The following NDUFA10 variants were observed in gnomAD, a reference collection of about 807,000 sequenced individuals.
NDUFA10 encodes NADH:ubiquinone oxidoreductase subunit A10.
NDUFA10 carries 40 observed loss-of-function variants against 47.8 expected under a neutral mutation model. The observed-to-expected ratio is 0.84, with a 90% CI of 0.65 to 1.09. NDUFA10 has a LOEUF of 1.09. NDUFA10 is among the 50% of genes least tolerant of loss of function. NDUFA10 has a pLI of 0.00. For synonymous variants in NDUFA10, 183 were observed against 172.2 expected (o/e 1.06, Z -0.49); for missense variants, 413 against 451.1 (o/e 0.92, Z 0.76).
At chr2:239,986,945 A>G (rs1283853403) in intron 9 of NDUFA10, among the ~76,000 whole-genome samples, 1 of 137,330 alleles carries the variant, frequency 7.3e-6, no homozygotes, top group Non-Finnish European at 1.7e-5. Context: ...CCTCAAAACC[A>G]CATTGAGGGA....
intron 4 of NDUFA10, among the ~76,000 whole-genome samples, chr2:239,910,249 T>C (rs1445368322): frequency 2.0e-5 from 3 of 152,164 alleles, no homozygotes; most frequent in Non-Finnish European, 4.4e-5. Context: ...CATTCTATTA[T>C]AAAGACACAT....
chr2:239,956,218 G>A (rs928889382), downstream of NDUFA10, among the ~76,000 whole-genome samples: 1 of 152,124 alleles, frequency 6.6e-6, no homozygotes, highest in African/African-American at 2.4e-5. Context: ...ACACTTGGAG[G>A]TGGGGCCGGT....
At chr2:239,966,848 C>CT (rs71045922) in intron 9 of NDUFA10, among the ~76,000 whole-genome samples, 1,315 of 113,776 alleles carry the variant, frequency 0.012, 11 homozygotes, top group Non-Finnish European at 0.015. Flanking sequence ...GCAAGGATTT[C>CT]TTTTTTTTTT....
intron 6 of NDUFA10, among the ~76,000 whole-genome samples, chr2:240,010,237 T>C (rs1259956402): frequency 6.6e-6 from 1 of 152,174 alleles, no homozygotes; most frequent in African/African-American, 2.4e-5. Flanking sequence ...ACTTTAACAA[T>C]GAACAGAGAC....
chr2:239,970,275 C>T (rs1345827034), intron 9 of NDUFA10, among the ~76,000 whole-genome samples: 1 of 152,068 alleles, frequency 6.6e-6, no homozygotes, highest in Admixed American at 6.5e-5. Flanking sequence ...GAAAAAAAAA[C>T]TGTCAACCTA....
intron 4 of NDUFA10, among the ~76,000 whole-genome samples, chr2:239,917,122 G>A (rs1178876506): frequency 6.6e-6 from 1 of 152,172 alleles, no homozygotes; most frequent in Non-Finnish European, 1.5e-5. Context: ...GGCCAGGGAG[G>A]GGCTGACACT....
chr2:239,949,074 C>T (rs1694505297), intron 4 of NDUFA10, among the ~76,000 whole-genome samples: 1 of 152,212 alleles, frequency 6.6e-6, no homozygotes, highest in Non-Finnish European at 1.5e-5. Context: ...ATGCAATGGA[C>T]ACATGTCCCT....
chr2:239,932,515 T>C (rs578195618), intron 4 of NDUFA10, among the ~76,000 whole-genome samples: 23 of 152,370 alleles, frequency 1.5e-4, no homozygotes, highest in East Asian at 1.2e-3. Context: ...AATGAAGCTG[T>C]GAGCCCTTTT....
chr2:239,995,150 T>C (rs905031181), intron 8 of NDUFA10, among the ~76,000 whole-genome samples: 1 of 152,098 alleles, frequency 6.6e-6, no homozygotes, highest in African/African-American at 2.4e-5. Flanking sequence ...GGTGCACGCC[T>C]GTAGTATCAG....
chr2:239,943,525 T>C (rs1400713688), intron 4 of NDUFA10, among the ~76,000 whole-genome samples: 2 of 152,170 alleles, frequency 1.3e-5, no homozygotes, highest in Non-Finnish European at 2.9e-5. Context: ...TCAAAGTGTA[T>C]GGCCTTGTTT....
chr2:240,017,877 A>C, intron 4 of NDUFA10: 1 of 1,571,444 alleles, frequency 6.4e-7, no homozygotes, highest in South Asian at 1.2e-5. Flanking sequence ...CCCAGATTCC[A>C]GCTTTCCACT....
At chr2:239,978,024 G>A (rs540041031) in intron 9 of NDUFA10, among the ~76,000 whole-genome samples, 6 of 152,074 alleles carry the variant, frequency 3.9e-5, no homozygotes, top group African/African-American at 1.2e-4. Flanking sequence ...GCCTGGCCAC[G>A]CCTGCTTGGT....
intron 5 of NDUFA10, among the ~76,000 whole-genome samples, chr2:239,894,859 C>T (rs1693361455): frequency 6.6e-6 from 1 of 152,164 alleles, no homozygotes; most frequent in African/African-American, 2.4e-5. Context: ...AGCCCTCTTC[C>T]ATGATGAATA....
At chr2:239,899,445 G>A (rs1244439424) in intron 4 of NDUFA10, among the ~76,000 whole-genome samples, 6 of 146,874 alleles carry the variant, frequency 4.1e-5, no homozygotes, top group African/African-American at 1.5e-4. Context: ...GAATGTGGAG[G>A]GTTGTGATGG....
downstream of NDUFA10, among the ~76,000 whole-genome samples, chr2:239,956,822 T>C (rs1364041624): frequency 2.0e-5 from 3 of 152,196 alleles, no homozygotes. Flanking sequence ...CTCTCTACCC[T>C]ACCTGCTTGT....
chr2:239,960,374 TAAAG>T lies in NDUFA10; in HGVS notation c.*740_*743del, dbSNP rs1219954288. ...ACTGGCAACTTGATTTTCTGGGTAATAAAGAGAGTATATTATTTTGCTTTTGCAT... is the reference window on the plus strand; with the variant it reads ...ACTGGCAACTTGATTTTCTGGGTAATAGAGTATATTATTTTGCTTTTGCAT... On this transcript the variant is annotated 3_prime_UTR_variant, in exon 10 of 10. Coordinates refer to ENST00000252711, the MANE Select transcript of NDUFA10 (RefSeq NM_004544.4). The T allele has an allele frequency of 4.1e-6, 4 of 985,490 alleles. No homozygotes were observed. Among genetic ancestry groups the T allele is most frequent in the Non-Finnish European group, 4.8e-6 (4 of 830,060 alleles). The allele number at this position is 985,490 out of a possible 1,614,324, so 61.0% of individuals were successfully genotyped here. A position where few individuals can be genotyped will look rare whatever the true frequency, so the allele number is the denominator to read the frequency against.
At chr2:239,969,331 T>C (rs74632877) in intron 9 of NDUFA10, 5,128 of 170,202 alleles carry the variant, frequency 0.03, 303 homozygotes, top group African/African-American at 0.11. Context: ...ACAGGATTCC[T>C]AAAACACAAT....
chr2:239,923,930 C>T (rs999640100), intron 4 of NDUFA10, among the ~76,000 whole-genome samples: 1 of 152,056 alleles, frequency 6.6e-6, no homozygotes. Context: ...TTACTACAGA[C>T]CCTGCAGCCA....
intron 8 of NDUFA10, among the ~76,000 whole-genome samples, chr2:240,001,101 TC>T (rs1354365568): frequency 6.6e-6 from 1 of 152,186 alleles, no homozygotes; most frequent in Non-Finnish European, 1.5e-5. Context: ...CTTACAACAA[TC>T]AACTGCACTG....
Sources: allele counts gnomAD v4.1 joint callset (sites outside exome capture counted in the v4.1 genomes callset), GRCh38; gene constraint gnomAD v4.1.1; transcripts MANE v1.5; gene names NCBI Gene and HGNC (gene_info 2026-07-23, HGNC 2026-07-21).